PRR16: variants seen among roughly 807,000 people sequenced by gnomAD.
The protein encoded by PRR16 is proline rich 16, also known as protein Largen.
In PRR16, 6 loss-of-function variants were observed where a neutral mutation model predicts 18.2. That is an observed-to-expected ratio of 0.33 (90% CI 0.18 to 0.65). PRR16 has a LOEUF of 0.65. Ranked by LOEUF, PRR16 falls within the 30% of genes least tolerant of loss-of-function variation. The probability of loss-of-function intolerance (pLI) is 0.74; values close to 1 mark genes in which losing one functional copy is unlikely to be tolerated. For missense variants in PRR16, 412 were observed against 376.6 expected, an observed-to-expected ratio of 1.09 and a Z score of -0.78; for synonymous variants, 151 against 147.8, an observed-to-expected ratio of 1.02 and a Z score of -0.16.
the PRR16 span, among the ~76,000 whole-genome samples, chr5:120,713,987 A>G: frequency 6.6e-6 from 1 of 152,150 alleles, no homozygotes; most frequent in Non-Finnish European, 1.5e-5. Context: ...AGACCCATGA[A>G]AATTCCTAGT....
chr5:120,694,292 G>A, the PRR16 span, among the ~76,000 whole-genome samples: 1 of 152,096 alleles, frequency 6.6e-6, no homozygotes, highest in East Asian at 1.9e-4. Context: ...ATATTATCAG[G>A]TAAGCCTAAT....
chr5:120,746,647 C>G, the PRR16 span, among the ~76,000 whole-genome samples: 12 of 152,120 alleles, frequency 7.9e-5, no homozygotes, highest in Non-Finnish European at 1.3e-4. Context: ...CTGCCCAGGT[C>G]CTAGCTCCAG....
intron 1 of PRR16, among the ~76,000 whole-genome samples, chr5:120,551,529 T>G (rs1455292262): frequency 6.6e-6 from 1 of 151,990 alleles, no homozygotes; most frequent in African/African-American, 2.4e-5. Context: ...ATATAATCAA[T>G]GTATGATGAA....
the PRR16 span, among the ~76,000 whole-genome samples, chr5:120,712,691 G>T: frequency 2.0e-5 from 3 of 151,972 alleles, no homozygotes; most frequent in African/African-American, 7.2e-5. Flanking sequence ...ACATACAAAT[G>T]AAAAACAGAT....
At chr5:120,465,412 A>G (rs1297261471) in intron 1 of PRR16, among the ~76,000 whole-genome samples, 1 of 152,140 alleles carries the variant, frequency 6.6e-6, no homozygotes, top group Non-Finnish European at 1.5e-5. Flanking sequence ...GGGTCTTGCC[A>G]TTGGCGTCCT....
chr5:120,595,444 A>AAT (rs397797131), intron 1 of PRR16, among the ~76,000 whole-genome samples: 3 of 151,560 alleles, frequency 2.0e-5, no homozygotes, highest in African/African-American at 7.3e-5. Context: ...CAAAAAAAAA[A>AAT]TAAAAAGATG....
intron 1 of PRR16, among the ~76,000 whole-genome samples, chr5:120,677,945 T>C (rs1756856406): frequency 7.2e-6 from 1 of 139,852 alleles, no homozygotes; most frequent in African/African-American, 2.7e-5. Flanking sequence ...AGTTTCGCTC[T>C]GTCGCCCAGG....
chr5:120,548,880 A>C (rs1484740097), intron 1 of PRR16, among the ~76,000 whole-genome samples: 1 of 148,584 alleles, frequency 6.7e-6, no homozygotes, highest in Non-Finnish European at 1.5e-5. Context: ...CATCGAACTG[A>C]GTTTAAACGC....
chr5:120,615,392 T>A (rs1343080906), intron 1 of PRR16, among the ~76,000 whole-genome samples: 1 of 150,376 alleles, frequency 6.6e-6, no homozygotes, highest in East Asian at 1.9e-4. Flanking sequence ...TTCTTTTTTT[T>A]TTTTTTTTTT....
At chr5:120,697,975 G>T in the PRR16 span, among the ~76,000 whole-genome samples, 4 of 152,142 alleles carry the variant, frequency 2.6e-5, no homozygotes, top group Admixed American at 2.0e-4. Context: ...CAGGCCATCT[G>T]GGCGTATACG....
At chr5:120,484,189 C>A (rs1235376006) in intron 1 of PRR16, among the ~76,000 whole-genome samples, 7 of 151,252 alleles carry the variant, frequency 4.6e-5, no homozygotes, top group Non-Finnish European at 1.0e-4. Flanking sequence ...AGTTTAATTA[C>A]CATTAGCATA....
intron 1 of PRR16, among the ~76,000 whole-genome samples, chr5:120,517,444 C>T (rs1351058908): frequency 6.6e-6 from 1 of 152,004 alleles, no homozygotes; most frequent in African/African-American, 2.4e-5. Flanking sequence ...TTCCTGGAGA[C>T]ATATGTTTTT....
At chr5:120,613,855 C>T (rs1754416848) in intron 1 of PRR16, among the ~76,000 whole-genome samples, 1 of 152,146 alleles carries the variant, frequency 6.6e-6, no homozygotes, top group Non-Finnish European at 1.5e-5. Context: ...AGCCTAAGAG[C>T]TGAGCTTTAG....
At chr5:120,784,412 A>C in the PRR16 span, among the ~76,000 whole-genome samples, 1 of 152,302 alleles carries the variant, frequency 6.6e-6, no homozygotes, top group South Asian at 2.1e-4. Flanking sequence ...ACTGGAGTGA[A>C]ATGATATCTC....
the PRR16 span, among the ~76,000 whole-genome samples, chr5:120,713,796 A>G: frequency 0.017 from 2,630 of 152,302 alleles, 69 homozygotes; most frequent in African/African-American, 0.06. Flanking sequence ...TACTATAACA[A>G]TTTGAGCATT....
At chr5:120,769,348 CTT>C in the PRR16 span, among the ~76,000 whole-genome samples, 1 of 151,708 alleles carries the variant, frequency 6.6e-6, no homozygotes. Flanking sequence ...CCCCCTCCCT[CTT>C]TTTGTGGTAA....
chr5:120,669,145 G>A lies in PRR16; in HGVS notation c.160-16809G>A, dbSNP rs904474244. 2.0e-5 allele frequency among the ~76,000 whole-genome samples: 3 copies of A among 152,268 alleles called. No homozygotes were observed. The East Asian group carries it at 5.8e-4, about 29-fold the overall frequency. On this transcript the variant is annotated intron_variant, in intron 1 of 1. Transcript: ENST00000407149. Reference sequence around the variant, plus strand: ...ACAGTCTCAAAATGTTGAACTGTGTGTGTGCTGATGAACTCCTTCAAGCAG... The same window carrying A: ...ACAGTCTCAAAATGTTGAACTGTGTATGTGCTGATGAACTCCTTCAAGCAG...
chr5:120,587,694 C>A (rs1204513382), intron 1 of PRR16, among the ~76,000 whole-genome samples: 1 of 152,164 alleles, frequency 6.6e-6, no homozygotes, highest in Admixed American at 6.5e-5. Context: ...TGGCAATGCA[C>A]CTGGTCAACT....
At chr5:120,700,950 C>G in the PRR16 span, among the ~76,000 whole-genome samples, 1 of 152,170 alleles carries the variant, frequency 6.6e-6, no homozygotes, top group Admixed American at 6.5e-5. Flanking sequence ...GTGAGTTGAA[C>G]AGTCCAATTT....
Sources: allele counts gnomAD v4.1 joint callset (sites outside exome capture counted in the v4.1 genomes callset), GRCh38; gene constraint gnomAD v4.1.1; transcripts MANE v1.5; gene names NCBI Gene and HGNC (gene_info 2026-07-23, HGNC 2026-07-21).